Variants in DUSP12 observed in about 807,000 individuals in gnomAD.
DUSP12 encodes dual specificity phosphatase 12, also known as dual specificity protein phosphatase 12.
In DUSP12, 25 loss-of-function variants were observed where a neutral mutation model predicts 38.9. The ratio of observed to expected loss-of-function variants is 0.64; its 90% confidence interval spans 0.47 to 0.90. The LOEUF (loss-of-function observed/expected upper bound fraction) is 0.90. Ranked by LOEUF, DUSP12 falls within the 40% of genes least tolerant of loss-of-function variation. DUSP12 has a pLI of 0.00. For synonymous variants in DUSP12, 153 were observed against 153.9 expected (o/e 0.99, Z 0.05); for missense variants, 403 against 427.0 (o/e 0.94, Z 0.50).
intron 5 of DUSP12, among the ~76,000 whole-genome samples, chr1:161,755,927 G>A (rs921881304): frequency 3.3e-5 from 5 of 152,048 alleles, no homozygotes; most frequent in African/African-American, 1.2e-4. Context: ...TGTGATCTTG[G>A]CTCACTGCAA....
intron 1 of DUSP12, among the ~76,000 whole-genome samples, chr1:161,750,782 G>A (rs2101693214): frequency 6.6e-6 from 1 of 152,144 alleles, no homozygotes; most frequent in Non-Finnish European, 1.5e-5. Context: ...AAAATTAGCC[G>A]GGCGTGGTGG....
chr1:161,751,334 A>G (rs763338178), intron 1 of DUSP12: 18 of 182,188 alleles, frequency 9.9e-5, no homozygotes, highest in Non-Finnish European at 1.9e-4. Flanking sequence ...GACTCAACCA[A>G]TCCTCTCACC....
At chr1:161,755,899 C>T (rs988600342) in intron 5 of DUSP12, among the ~76,000 whole-genome samples, 2 of 152,090 alleles carry the variant, frequency 1.3e-5, no homozygotes, top group African/African-American at 2.4e-5. Flanking sequence ...CTCTGTTGCC[C>T]AGGCTGGAGT....
chr1:161,753,145 A>C lies in DUSP12; in HGVS notation c.745A>C (p.Lys249Gln). 6.2e-7 allele frequency: 1 copy of C among 1,614,108 alleles called. No individual in the cohort carries two copies. Among genetic ancestry groups the C allele is most frequent in the Non-Finnish European group, 8.5e-7 (1 of 1,179,984 alleles). ...EGSGPIAFAH[K>Q]RMTPSSMLTT... ...AAGTGGACCTATAGCCTTTGCCCAC[A>C]AGAGAATGACACCATCTTCCATGCT... is the stretch of plus-strand genomic sequence containing the variant. Residue 249 changes from lysine (K) to glutamine (Q), a missense_variant, in exon 5 of 6, where the codon AAG (lysine) becomes CAG (glutamine). Physicochemically the swap from Lys to Gln is moderately conservative, Grantham distance 53 (BLOSUM62 1). Transcript: ENST00000367943.
rs747507283 is a variant in DUSP12 at position 161,751,955 on chromosome 1, G to A, written c.548G>A (p.Arg183His). 14 of 1,610,906 alleles carry A rather than the reference G, an allele frequency of 8.7e-6. No individual in the cohort carries two copies. The highest frequency in any genetic ancestry group is 1.3e-5 in the African/African-American group (1 of 74,780). Reference protein sequence around the residue: ...DTSSAIYKQYRLQKVTEKYPE... With the variant: ...DTSSAIYKQYHLQKVTEKYPE... The stretch of plus-strand genomic sequence containing the variant: ...TCTAGTGCAATTTATAAGCAATATC[G>A]TTTACAAAAGGTTACAGAGAAGTAT... Residue 183 changes from arginine (R) to histidine (H), a missense_variant, in exon 3 of 6, where the codon CGT (arginine) becomes CAT (histidine). Physicochemically the swap from Arg to His is conservative, Grantham distance 29. Coordinates refer to ENST00000367943, the MANE Select transcript of DUSP12 (RefSeq NM_007240.3).
rs1683988374 is a variant in DUSP12, at chr1:161,749,981, C to T, written c.180C>T (p.Asp60=). The T allele has an allele frequency of 1.2e-6, 2 of 1,614,042 alleles. No homozygotes were observed. The highest frequency in any genetic ancestry group is 1.7e-6 in the Non-Finnish European group (2 of 1,179,952). The stretch of plus-strand genomic sequence containing the variant: ...GCATCACGGCCGTGCTAACAGTGGA[C>T]TCGGAGGAGCCCAGCTTCAAGGCGG... The part of the protein sequence containing the change: ...EAGITAVLTV[D]SEEPSFKAGP... The change falls in exon 1 of 6, where the codon GAC becomes GAT. Residue 60 remains aspartate (D), a synonymous_variant. Coordinates refer to ENST00000367943, the MANE Select transcript of DUSP12 (RefSeq NM_007240.3).
At position 161,751,788 on chromosome 1, in the gene DUSP12, T is replaced by C. The variant is rs368861319; in HGVS notation, c.458+7T>C. The C allele has an allele frequency of 6.2e-7, 1 of 1,603,798 alleles. No individual in the cohort carries two copies. Among genetic ancestry groups the C allele is most frequent in the African/African-American group, 1.4e-5 (1 of 73,960 alleles). ...TTCTCAAACCAGAGGCTAAGTGGGT[T>C]CTTTTTTTATAGTAATAATTATGCT... On this transcript the variant is annotated splice_region_variant and intron_variant, in intron 2 of 5. Transcript: ENST00000367943.
At chr1:161,753,877 A>G (rs191689645) in intron 5 of DUSP12, among the ~76,000 whole-genome samples, 5 of 142,492 alleles carry the variant, frequency 3.5e-5, no homozygotes, top group Admixed American at 2.7e-4. Flanking sequence ...ATCTTTTAGG[A>G]GAGTGAAATT....
At chr1:161,756,482 G>GATATAT (rs1225002519) in intron 5 of DUSP12, among the ~76,000 whole-genome samples, 3 of 68,740 alleles carry the variant, frequency 4.4e-5, no homozygotes, top group South Asian at 5.2e-4. Context: ...TGATTTAAAA[G>GATATAT]CTATATATAT....
At chr1:161,756,483 C>CTATA (rs10527814) in intron 5 of DUSP12, among the ~76,000 whole-genome samples, 2,048 of 124,442 alleles carry the variant, frequency 0.016, 78 homozygotes, top group Admixed American at 0.035. Context: ...GATTTAAAAG[C>CTATA]TATATATATA....
At position 161,753,114 on chromosome 1, in the gene DUSP12, T is replaced by C. The variant is rs1241626263; in HGVS notation, c.714T>C (p.Arg238=). 1.9e-6 allele frequency: 3 copies of C among 1,612,160 alleles called. No homozygotes were observed. The highest frequency in any genetic ancestry group is 2.2e-5 in the East Asian group (1 of 44,866). Residue 238 remains arginine, a synonymous_variant, in exon 5 of 6, where the codon CGT becomes CGC. Coordinates refer to ENST00000367943, the MANE Select transcript of DUSP12 (RefSeq NM_007240.3). ...GAAGTTCTAGTATTCTGGATCACCG[T>C]GAAGGAAGTGGACCTATAGCCTTTG... is the stretch of plus-strand genomic sequence containing the variant. ...LFRSSSILDH[R]EGSGPIAFAH...
At position 161,749,837 on chromosome 1, in the gene DUSP12, G is replaced by A. The variant is rs1037214103; in HGVS notation, c.36G>A (p.Glu12=). The change falls in exon 1 of 6, where the codon GAG becomes GAA. Residue 12 remains glutamate (E), a synonymous_variant. Transcript: ENST00000367943. ...CTCCGGGCCCGAGTGATGGCTGCGA[G>A]CTCAGCAACCCCAGCGCCAGCAGAG... ...LEAPGPSDGC[E]LSNPSASRVS... The A allele has an allele frequency of 1.3e-6, 2 of 1,596,564 alleles. No homozygotes were observed. Among genetic ancestry groups the A allele is most frequent in the Non-Finnish European group, 1.7e-6 (2 of 1,172,112 alleles).
In DUSP12 at chr1:161,750,114, C is replaced by T. The variant is rs776052385; in HGVS notation, c.313C>T (p.Arg105Cys). ...GTGCGTGGCCTTCATCGGTCAGGCCCGCGCTGAGGGCCGTGCGGTGTTGGT... is the reference window on the plus strand; with the variant it reads ...GTGCGTGGCCTTCATCGGTCAGGCCTGCGCTGAGGGCCGTGCGGTGTTGGT... ...DRCVAFIGQA[R>C]AEGRAVLVHC... Residue 105 changes from arginine to cysteine, a missense_variant, in exon 1 of 6, where the codon CGC (arginine) becomes TGC (cysteine). Arg to Cys is a radical substitution (Grantham distance 180). Coordinates refer to ENST00000367943, the MANE Select transcript of DUSP12 (RefSeq NM_007240.3). 1.2e-6 allele frequency: 2 copies of T among 1,613,708 alleles called. No homozygotes were observed. The highest frequency in any genetic ancestry group is 1.7e-6 in the Non-Finnish European group (2 of 1,179,930).
At chr1:161,752,231 C>A (rs940845743) in intron 3 of DUSP12, 137 bp from the exon 4 acceptor site, 6 of 744,008 alleles carry the variant, frequency 8.1e-6, no homozygotes, top group Non-Finnish European at 1.3e-5. Context: ...CCTGATTTCT[C>A]AACACTGGAA....
chr1:161,756,844 G>C lies in DUSP12; in HGVS notation c.920G>C (p.Cys307Ser), dbSNP rs1316997823. ...TCCTTCAACTGGTATGGTGAACAGT[G>C]CTCTTGTGGTAGGTGGATAACACCT... ...LGSFNWYGEQ[C>S]SCGRWITPAF... The change falls in exon 6 of 6, where the codon TGC (cysteine) becomes TCC (serine). Residue 307 changes from cysteine to serine, a missense_variant. By Grantham distance (112) the Cys-to-Ser change is moderately radical (BLOSUM62 -1). Coordinates refer to ENST00000367943, the MANE Select transcript of DUSP12 (RefSeq NM_007240.3). The C allele has an allele frequency of 3.7e-6, 6 of 1,613,966 alleles. No homozygotes were observed. The highest frequency in any genetic ancestry group is 1.1e-5 in the South Asian group (1 of 91,068).
intron 4 of DUSP12, among the ~76,000 whole-genome samples, 158 bp downstream of exon 4, chr1:161,752,622 A>G (rs1339959786): frequency 1.3e-5 from 2 of 152,236 alleles, no homozygotes; most frequent in African/African-American, 4.8e-5. Flanking sequence ...TAAAAAGAGA[A>G]ATAATCAGAT....
intron 1 of DUSP12, 173 bp from the exon 2 acceptor site, chr1:161,751,495 G>A (rs1055318301): frequency 1.4e-5 from 11 of 770,312 alleles, no homozygotes; most frequent in Non-Finnish European, 2.2e-5. Context: ...GAATTCAAAA[G>A]GAAAAAGGAA....
intron 5 of DUSP12, 82 bp from the exon 6 acceptor site, chr1:161,756,703 TA>T: frequency 6.7e-7 from 1 of 1,493,786 alleles, no homozygotes. Context: ...GTCTTGTTTT[TA>T]TATCCTATAT....
At chr1:161,752,887 G>A (rs554275968) in intron 4 of DUSP12, among the ~76,000 whole-genome samples, 188 bp from the exon 5 acceptor site, 1 of 152,142 alleles carries the variant, frequency 6.6e-6, no homozygotes, top group Non-Finnish European at 1.5e-5. Context: ...CTACTCAGGA[G>A]GCTGAGGCAG....
Sources: allele counts gnomAD v4.1 joint callset (sites outside exome capture counted in the v4.1 genomes callset), GRCh38; gene constraint gnomAD v4.1.1; transcripts MANE v1.5; gene names NCBI Gene and HGNC (gene_info 2026-07-23, HGNC 2026-07-21).